The following ARHGAP15 variants were observed in gnomAD, a reference collection of about 807,000 sequenced individuals.
ARHGAP15 encodes rho GTPase-activating protein 15.
Under a neutral mutation model 63.7 loss-of-function variants are expected in ARHGAP15, and 51 were observed. That is an observed-to-expected ratio of 0.80 (90% CI 0.64 to 1.01). The LOEUF is 1.01. Among genes scored for constraint, ARHGAP15 ranks in the 50% least tolerant of loss-of-function variants. ARHGAP15 has a pLI of 0.00. For synonymous variants in ARHGAP15, 191 were observed against 193.8 expected, an observed-to-expected ratio of 0.99 and a Z score of 0.12; for missense variants, 560 against 564.6, an observed-to-expected ratio of 0.99 and a Z score of 0.08.
intron 6 of ARHGAP15, 141 bp from the exon 7 acceptor site, chr2:143,435,460 A>C: frequency 7.7e-7 from 1 of 1,291,212 alleles, no homozygotes; most frequent in Non-Finnish European, 1.0e-6. Context: ...CCCAGTTCCC[A>C]GAAAGACAAT....
chr2:143,550,053 A>T (rs1695488764), intron 10 of ARHGAP15, among the ~76,000 whole-genome samples: 1 of 152,226 alleles, frequency 6.6e-6, no homozygotes, highest in Non-Finnish European at 1.5e-5. Context: ...AACAATATTG[A>T]GCAAATAATA....
intron 11 of ARHGAP15, among the ~76,000 whole-genome samples, chr2:143,575,422 T>A (rs1247102209): frequency 1.3e-5 from 2 of 152,122 alleles, no homozygotes; most frequent in Non-Finnish European, 2.9e-5. Context: ...AATGTTTTGA[T>A]GAGAGAACCA....
intron 11 of ARHGAP15, among the ~76,000 whole-genome samples, chr2:143,575,435 A>G (rs2105131155): frequency 6.6e-6 from 1 of 152,220 alleles, no homozygotes; most frequent in South Asian, 2.1e-4. Flanking sequence ...GAGAACCAGG[A>G]TTCTGTGAGG....
intron 6 of ARHGAP15, among the ~76,000 whole-genome samples, chr2:143,302,695 ATATATTT>A (rs1682961179): frequency 6.6e-6 from 1 of 152,004 alleles, no homozygotes; most frequent in African/African-American, 2.4e-5. Context: ...AGCTAAACTA[ATATATTT>A]TATATGCATA....
chr2:143,306,158 C>T (rs1191368294), intron 6 of ARHGAP15, among the ~76,000 whole-genome samples: 4 of 152,070 alleles, frequency 2.6e-5, no homozygotes, highest in Non-Finnish European at 4.4e-5. Context: ...AAGGATATGG[C>T]ACATCTCTTC....
At chr2:143,225,254 T>G (rs1362126456) in intron 4 of ARHGAP15, among the ~76,000 whole-genome samples, 1 of 151,984 alleles carries the variant, frequency 6.6e-6, no homozygotes, top group Non-Finnish European at 1.5e-5. Flanking sequence ...TTTCAGTTAT[T>G]CAAAAAAATA....
At chr2:143,468,134 T>C (rs1691324900) in intron 8 of ARHGAP15, among the ~76,000 whole-genome samples, 1 of 152,074 alleles carries the variant, frequency 6.6e-6, no homozygotes, top group East Asian at 1.9e-4. Flanking sequence ...ATATTTTAAG[T>C]ACTTGTATAC....
intron 11 of ARHGAP15, among the ~76,000 whole-genome samples, chr2:143,594,458 T>C (rs1037382150): frequency 6.6e-6 from 1 of 152,172 alleles, no homozygotes; most frequent in Non-Finnish European, 1.5e-5. Context: ...GTATGGTCTT[T>C]TTATTGGAAA....
At chr2:143,228,540 A>G in intron 4 of ARHGAP15, 41 bp from the exon 5 acceptor site, 1 of 1,388,970 alleles carries the variant, frequency 7.2e-7, no homozygotes, top group Non-Finnish European at 1.0e-6. Context: ...GATTTCTTCA[A>G]CTGATAATGC....
At chr2:143,758,308 G>A (rs1686649766) in intron 13 of ARHGAP15, among the ~76,000 whole-genome samples, 1 of 151,290 alleles carries the variant, frequency 6.6e-6, no homozygotes, top group Non-Finnish European at 1.5e-5. Context: ...ATATAAAATA[G>A]GTAGATGGAT....
intron 11 of ARHGAP15, among the ~76,000 whole-genome samples, chr2:143,585,704 T>G (rs888902762): frequency 3.3e-5 from 5 of 152,220 alleles, no homozygotes; most frequent in African/African-American, 1.2e-4. Flanking sequence ...GACCAAATCT[T>G]TCTCATTGAT....
intron 6 of ARHGAP15, among the ~76,000 whole-genome samples, chr2:143,411,244 C>CACTA (rs1688431693): frequency 6.6e-6 from 1 of 151,644 alleles, no homozygotes; most frequent in East Asian, 1.9e-4. Context: ...GGAAAGGGTA[C>CACTA]ATTAAGATAC....
chr2:143,241,609 T>G (rs914349091), intron 5 of ARHGAP15, among the ~76,000 whole-genome samples: 2 of 152,196 alleles, frequency 1.3e-5, no homozygotes, highest in Non-Finnish European at 2.9e-5. Context: ...CACATTCTGA[T>G]GCAAATGGGG....
intron 12 of ARHGAP15, among the ~76,000 whole-genome samples, chr2:143,647,685 T>C (rs1220785022): frequency 2.6e-5 from 4 of 152,042 alleles, no homozygotes; most frequent in Admixed American, 6.6e-5. Context: ...TCTGTACTTA[T>C]TCTGTCCGTC....
At chr2:143,308,477 AACAC>A (rs4008341) in intron 6 of ARHGAP15, among the ~76,000 whole-genome samples, 34,480 of 148,834 alleles carry the variant, frequency 0.23, 4,104 homozygotes, top group Admixed American at 0.34. Context: ...GTTGATAAGA[AACAC>A]ACACACACAC....
At chr2:143,415,273 GATT>G (rs1173919790) in intron 6 of ARHGAP15, among the ~76,000 whole-genome samples, 2 of 151,882 alleles carry the variant, frequency 1.3e-5, no homozygotes, top group African/African-American at 4.8e-5. Context: ...AATAGAAATA[GATT>G]ATCATAGGAA....
At chr2:143,496,815 AC>A (rs1692837017) in intron 9 of ARHGAP15, among the ~76,000 whole-genome samples, 1 of 152,160 alleles carries the variant, frequency 6.6e-6, no homozygotes, top group South Asian at 2.1e-4. Flanking sequence ...AATGAATAAA[AC>A]CCAGTTGATT....
At chr2:143,724,778 T>A (rs565550581) in intron 13 of ARHGAP15, among the ~76,000 whole-genome samples, 1 of 152,226 alleles carries the variant, frequency 6.6e-6, no homozygotes, top group African/African-American at 2.4e-5. Flanking sequence ...ATAGTAAGAA[T>A]AACTAGCCAG....
intron 10 of ARHGAP15, among the ~76,000 whole-genome samples, chr2:143,542,954 A>G (rs1410195038): frequency 6.7e-6 from 1 of 149,900 alleles, no homozygotes; most frequent in Non-Finnish European, 1.5e-5. Flanking sequence ...ATTGATGGAC[A>G]CTTAGGTTAA....
Sources: allele counts gnomAD v4.1 joint callset (sites outside exome capture counted in the v4.1 genomes callset), GRCh38; gene constraint gnomAD v4.1.1; transcripts MANE v1.5; gene names NCBI Gene and HGNC (gene_info 2026-07-23, HGNC 2026-07-21).